KIAA1217: variants seen among roughly 807,000 people sequenced by gnomAD.
KIAA1217 encodes sickle tail protein homolog.
A neutral mutation model predicts 163.9 loss-of-function variants in KIAA1217; 88 were observed. The observed-to-expected ratio is 0.54, with a 90% CI of 0.45 to 0.64. KIAA1217 has a LOEUF of 0.64. KIAA1217 is among the 30% of genes least tolerant of loss of function. The pLI is 0.00. For synonymous variants in KIAA1217, 903 were observed against 923.1 expected, an observed-to-expected ratio of 0.98 and a Z score of 0.39; for missense variants, 2,372 against 2,475.0, an observed-to-expected ratio of 0.96 and a Z score of 0.88.
At chr10:23,904,759 A>G (rs1415517469) in intron 1 of KIAA1217, among the ~76,000 whole-genome samples, 1 of 152,064 alleles carries the variant, frequency 6.6e-6, no homozygotes, top group Non-Finnish European at 1.5e-5. Flanking sequence ...AAAATAAAAT[A>G]TTGGTGAGCA....
Position 24,528,024 on chromosome 10 carries a change from C to A in KIAA1217, c.2987C>A (p.Ala996Asp). The change falls in exon 14 of 21, where the codon GCC (alanine) becomes GAC (aspartate). Residue 996 changes from alanine (A) to aspartate (D), a missense_variant. By Grantham distance (126) the Ala-to-Asp change is moderately radical. Coordinates refer to ENST00000376454, the MANE Select transcript of KIAA1217 (RefSeq NM_019590.5). ...GAGAAGCTCCTAGAAGAAGCTCAGG[C>A]CAATATCATGAAGTCAATACCAAAT... ...EFEKLLEEAQ[A>D]NIMKSIPNLE... 3 of 1,614,130 alleles carry A rather than the reference C, an allele frequency of 1.9e-6. No homozygotes were observed. Among genetic ancestry groups the A allele is most frequent in the Non-Finnish European group, 2.5e-6 (3 of 1,180,010 alleles).
chr10:24,243,594 G>A (rs373240923), intron 2 of KIAA1217, among the ~76,000 whole-genome samples: 17 of 151,838 alleles, frequency 1.1e-4, no homozygotes, highest in African/African-American at 3.1e-4. Context: ...TACAAAAGAC[G>A]TGTTTCATTC....
At chr10:23,759,468 G>A (rs141521160) in intron 1 of KIAA1217, among the ~76,000 whole-genome samples, 32 of 152,284 alleles carry the variant, frequency 2.1e-4, no homozygotes, top group African/African-American at 7.5e-4. Flanking sequence ...GGAAAAGTGG[G>A]CATCCTTGCC....
At chr10:24,454,463 A>T (rs904608559) in intron 5 of KIAA1217, among the ~76,000 whole-genome samples, 4 of 152,166 alleles carry the variant, frequency 2.6e-5, no homozygotes, top group Non-Finnish European at 4.4e-5. Context: ...CGCACCCTTG[A>T]TAGAGTAGGA....
intron 1 of KIAA1217, among the ~76,000 whole-genome samples, chr10:23,782,919 T>A (rs1253471880): frequency 6.6e-6 from 1 of 152,230 alleles, no homozygotes; most frequent in Non-Finnish European, 1.5e-5. Context: ...GTACTGGATT[T>A]TAGAGGAAAA....
chr10:24,135,947 G>A (rs907876822), intron 2 of KIAA1217, among the ~76,000 whole-genome samples: 1 of 152,174 alleles, frequency 6.6e-6, no homozygotes, highest in Non-Finnish European at 1.5e-5. Context: ...GAAAACAGGA[G>A]ACAGAACTTT....
At chr10:23,791,409 GA>G in intron 1 of KIAA1217, among the ~76,000 whole-genome samples, 1 of 151,968 alleles carries the variant, frequency 6.6e-6, no homozygotes, top group East Asian at 1.9e-4. Flanking sequence ...TTGAAAAAAA[GA>G]AAGCCAGACA....
intron 1 of KIAA1217, among the ~76,000 whole-genome samples, chr10:23,969,562 C>T (rs546741522): frequency 3.0e-4 from 46 of 152,202 alleles, no homozygotes; most frequent in Admixed American, 5.2e-4. Flanking sequence ...ATGTGCTTAT[C>T]GGCTATTTTT....
At chr10:23,895,638 C>T (rs963790739) in intron 1 of KIAA1217, among the ~76,000 whole-genome samples, 2 of 152,112 alleles carry the variant, frequency 1.3e-5, no homozygotes, top group Non-Finnish European at 2.9e-5. Context: ...CATCCTATTA[C>T]TGGGTATATA....
At chr10:24,305,994 T>C (rs951648048) in intron 2 of KIAA1217, among the ~76,000 whole-genome samples, 2 of 152,160 alleles carry the variant, frequency 1.3e-5, no homozygotes, top group African/African-American at 4.8e-5. Context: ...GTGGTACCAA[T>C]GGTCTTACTA....
intron 1 of KIAA1217, among the ~76,000 whole-genome samples, chr10:23,931,102 C>T (rs1009729597): frequency 2.6e-5 from 4 of 152,224 alleles, no homozygotes; most frequent in South Asian, 2.1e-4. Context: ...TAACTCACCC[C>T]GCCTGCTTCT....
upstream of KIAA1217, among the ~76,000 whole-genome samples, chr10:24,206,534 G>T (rs1164142298): frequency 6.6e-6 from 1 of 152,210 alleles, no homozygotes. Context: ...ATATGGAATA[G>T]TCGGTGCAAG....
chr10:24,306,140 T>C (rs1482014744), intron 2 of KIAA1217, among the ~76,000 whole-genome samples: 4 of 152,186 alleles, frequency 2.6e-5, no homozygotes, highest in Non-Finnish European at 4.4e-5. Context: ...AAAATATACA[T>C]GCTATTTGAT....
rs369880903 is a variant in KIAA1217, at chr10:24,533,215, A to T, written c.3392A>T (p.Asp1131Val). 1 of 1,612,406 alleles carries T rather than the reference A, an allele frequency of 6.2e-7. No individual in the cohort carries two copies. Among genetic ancestry groups the T allele is most frequent in the Non-Finnish European group, 8.5e-7 (1 of 1,179,530 alleles). Residue 1131 changes from aspartate to valine, a missense_variant, in exon 16 of 21, where the codon GAC becomes GTC. Asp to Val is a radical substitution (Grantham distance 152). Transcript: ENST00000376454. The part of the protein sequence containing the change: ...KDEEEEEEEG[D>V]KIMAELQAFQ... ...GAGGAGGAAGAAGAAGAAGAAGGAGACAAAATAATGGCAGAACTCCAGGTA... is the reference window on the plus strand; with the variant it reads ...GAGGAGGAAGAAGAAGAAGAAGGAGTCAAAATAATGGCAGAACTCCAGGTA...
At chr10:24,085,297 T>C (rs1442677491) in intron 2 of KIAA1217, among the ~76,000 whole-genome samples, 6 of 145,118 alleles carry the variant, frequency 4.1e-5, no homozygotes, top group African/African-American at 8.6e-5. Context: ...CTGATAACAT[T>C]TGAGGGGTTT....
intron 1 of KIAA1217, among the ~76,000 whole-genome samples, chr10:24,217,672 G>A (rs1361912448): frequency 2.0e-5 from 3 of 151,928 alleles, no homozygotes; most frequent in Non-Finnish European, 2.9e-5. Context: ...ACTGGTTTAT[G>A]CCTAGACTCT....
intron 1 of KIAA1217, among the ~76,000 whole-genome samples, chr10:23,757,105 GTTTA>G (rs2130847696): frequency 8.0e-6 from 1 of 124,608 alleles, no homozygotes; most frequent in East Asian, 2.5e-4. Context: ...ATCACATTTT[GTTTA>G]TTTATTCATC....
intron 1 of KIAA1217, among the ~76,000 whole-genome samples, chr10:23,938,389 C>T (rs888668472): frequency 6.6e-6 from 1 of 151,750 alleles, no homozygotes; most frequent in East Asian, 1.9e-4. Flanking sequence ...ACTAAATATG[C>T]CCAAGAACAA....
chr10:23,835,411 G>C (rs890957238), intron 1 of KIAA1217, among the ~76,000 whole-genome samples: 7 of 151,916 alleles, frequency 4.6e-5, no homozygotes, highest in African/African-American at 1.7e-4. Context: ...CTCAATCTTT[G>C]AGGCATATTT....
Sources: allele counts gnomAD v4.1 joint callset (sites outside exome capture counted in the v4.1 genomes callset), GRCh38; gene constraint gnomAD v4.1.1; transcripts MANE v1.5; gene names NCBI Gene and HGNC (gene_info 2026-07-23, HGNC 2026-07-21).